PRKN: variants seen among roughly 807,000 people sequenced by gnomAD.
The protein encoded by PRKN is parkin RBR E3 ubiquitin protein ligase.
A neutral mutation model predicts 59.5 loss-of-function variants in PRKN; 56 were observed. That is an observed-to-expected ratio of 0.94 (90% CI 0.76 to 1.18). PRKN has a LOEUF of 1.18. PRKN is among the 50% of genes most tolerant of loss of function. The pLI, the probability that PRKN is intolerant of heterozygous loss-of-function variation, is 0.00. For synonymous variants in PRKN, 250 were observed against 222.1 expected (o/e 1.13, Z -1.12); for missense variants, 657 against 596.4 (o/e 1.10, Z -1.06).
chr6:161,952,145 G>A lies in PRKN; in HGVS notation c.734+21157C>T, dbSNP rs11968203. On this transcript the variant is annotated intron_variant, in intron 6 of 11. Coordinates refer to ENST00000366898, the MANE Select transcript of PRKN (RefSeq NM_004562.3). ...AAAGGCAATGCCTACCTGAACCCTC[G>A]GAAAGGAGCTGGGGCATTGAGGGTG... 8.1e-3 allele frequency among the ~76,000 whole-genome samples: 1,225 copies of A among 152,096 alleles called. 21 individuals carry two copies. The highest frequency in any genetic ancestry group is 0.028 in the African/African-American group (1,150 of 41,478).
At chr6:162,234,142 T>C (rs1007316632) in intron 3 of PRKN, among the ~76,000 whole-genome samples, 2 of 152,160 alleles carry the variant, frequency 1.3e-5, no homozygotes, top group Non-Finnish European at 2.9e-5. Flanking sequence ...GAGAATGTGT[T>C]GTTAGGATAC....
At chr6:161,935,922 A>C (rs1769318255) in intron 6 of PRKN, among the ~76,000 whole-genome samples, 1 of 152,210 alleles carries the variant, frequency 6.6e-6, no homozygotes, top group Non-Finnish European at 1.5e-5. Context: ...CAGTTGGTGT[A>C]ATTTACACAA....
chr6:162,047,530 G>A (rs1454734393), intron 5 of PRKN, among the ~76,000 whole-genome samples: 1 of 150,880 alleles, frequency 6.6e-6, no homozygotes, highest in East Asian at 1.9e-4. Context: ...ACCTTTTATT[G>A]TTATTAGACA....
chr6:162,216,330 A>T (rs1777649395), intron 3 of PRKN, among the ~76,000 whole-genome samples: 1 of 151,750 alleles, frequency 6.6e-6, no homozygotes, highest in African/African-American at 2.4e-5. Flanking sequence ...GGAGATCGAG[A>T]TCATCCTGGC....
chr6:162,024,217 T>TG lies in PRKN; in HGVS notation c.618+29873dup, dbSNP rs71004074. On this transcript the variant is annotated intron_variant, in intron 5 of 11. Coordinates refer to ENST00000366898, the MANE Select transcript of PRKN (RefSeq NM_004562.3). ...CCCTTTTTTTTTTTTTTTTTTTTTT[T>TG]GACAGAGTTTCACTCTGTTGCCCAG... is the stretch of plus-strand genomic sequence containing the variant. 5.6e-4 allele frequency among the ~76,000 whole-genome samples: 83 copies of TG among 146,944 alleles called. No homozygotes were observed. In the Middle Eastern group the frequency reaches 0.011, roughly 19 times the overall value.
intron 1 of PRKN, among the ~76,000 whole-genome samples, chr6:162,666,098 C>T (rs981781059): frequency 6.6e-6 from 1 of 152,096 alleles, no homozygotes; most frequent in Non-Finnish European, 1.5e-5. Context: ...AAAATCTAGG[C>T]AATACCATTC....
chr6:162,209,192 C>G (rs1785086830), intron 3 of PRKN, among the ~76,000 whole-genome samples: 2 of 152,010 alleles, frequency 1.3e-5, no homozygotes. Context: ...TTGCAATCTA[C>G]CTATCTGACA....
intron 4 of PRKN, among the ~76,000 whole-genome samples, chr6:162,067,483 G>A (rs528681164): frequency 4.5e-4 from 69 of 152,066 alleles, no homozygotes; most frequent in Middle Eastern, 6.8e-3. Flanking sequence ...AATACATCAG[G>A]GAATAAGACC....
In PRKN at chr6:161,386,019, T is replaced by G. The variant is rs1242771912; in HGVS notation, c.1167+775A>C. On this transcript the variant is annotated intron_variant, in intron 10 of 11. Transcript: ENST00000366898. The surrounding 1 kb of genome is among the most constrained non-coding windows in gnomAD (Gnocchi z 4.3). ...TTTTAGAGCATTCAGATCTTTAACATTCTCTATTGTAAAATCAAAATATTC... is the reference window on the plus strand; with the variant it reads ...TTTTAGAGCATTCAGATCTTTAACAGTCTCTATTGTAAAATCAAAATATTC... Among the ~76,000 whole-genome samples the G allele has an allele frequency of 6.6e-6, 1 of 152,228 alleles. No individual in the cohort carries two copies. Among genetic ancestry groups the G allele is most frequent in the Admixed American group, 6.5e-5 (1 of 15,290 alleles).
chr6:161,877,747 C>T (rs570324864), intron 6 of PRKN, among the ~76,000 whole-genome samples: 20 of 152,090 alleles, frequency 1.3e-4, no homozygotes, highest in African/African-American at 4.3e-4. Flanking sequence ...GGATTACAGG[C>T]GGGAGCCACC....
chr6:162,588,286 G>A (rs1166502192), intron 1 of PRKN, among the ~76,000 whole-genome samples: 1 of 151,280 alleles, frequency 6.6e-6, no homozygotes, highest in Non-Finnish European at 1.5e-5. Flanking sequence ...GCTGGGATTA[G>A]AGGTGTGCAC....
intron 7 of PRKN, among the ~76,000 whole-genome samples, chr6:161,728,319 T>C (rs1024387940): frequency 6.6e-6 from 1 of 152,038 alleles, no homozygotes; most frequent in African/African-American, 2.4e-5. Flanking sequence ...AAACCAATAA[T>C]AGTGTCTTCT....
chr6:161,504,168 T>A (rs1778062425), intron 9 of PRKN, among the ~76,000 whole-genome samples: 1 of 152,156 alleles, frequency 6.6e-6, no homozygotes, highest in South Asian at 2.1e-4. Flanking sequence ...TGAAGAAAGA[T>A]CCCAAAGGGT....
At chr6:162,028,345 T>C (rs1783513020) in intron 5 of PRKN, among the ~76,000 whole-genome samples, 2 of 152,170 alleles carry the variant, frequency 1.3e-5, no homozygotes, top group Admixed American at 1.3e-4. Context: ...ACCATCTAAA[T>C]GGACATTTTA....
intron 2 of PRKN, among the ~76,000 whole-genome samples, chr6:162,414,409 T>A (rs954791403): frequency 8.6e-5 from 13 of 151,684 alleles, no homozygotes; most frequent in African/African-American, 2.9e-4. Context: ...ACCATGAAGA[T>A]TAGAAAGTAG....
At chr6:161,555,870 A>G (rs547767068) in intron 8 of PRKN, among the ~76,000 whole-genome samples, 1 of 152,374 alleles carries the variant, frequency 6.6e-6, no homozygotes, top group Admixed American at 6.5e-5. Flanking sequence ...AATTCTAATA[A>G]GATAATCAAT....
chr6:162,299,295 C>T (rs1377319429), intron 2 of PRKN, among the ~76,000 whole-genome samples: 2 of 152,118 alleles, frequency 1.3e-5, no homozygotes, highest in Non-Finnish European at 2.9e-5. Flanking sequence ...GCAGAGAGGC[C>T]AATGGCTGAA....
chr6:161,818,783 C>T (rs1157833185), intron 6 of PRKN, among the ~76,000 whole-genome samples: 1 of 152,112 alleles, frequency 6.6e-6, no homozygotes, highest in Non-Finnish European at 1.5e-5. Context: ...CAACAAGGGC[C>T]TGGGAATTTG....
In PRKN at chr6:161,533,831, TAA is replaced by T. The variant is rs200623961; in HGVS notation, c.1083+15021_1083+15022del. ...TGTACTTAATTTTCTTGGCGTGAGA[TAA>T]GGAACCCTGGGGATTTACCCTAGAC... On this transcript the variant is annotated intron_variant, in intron 9 of 11. Coordinates refer to ENST00000366898, the MANE Select transcript of PRKN (RefSeq NM_004562.3). This position sits in a 1 kb window ranked among gnomAD's most constrained non-coding sequence, Gnocchi z 4.1. 9.2e-3 allele frequency among the ~76,000 whole-genome samples: 1,395 copies of T among 152,144 alleles called. 18 individuals carry two copies. Among genetic ancestry groups the T allele is most frequent in the African/African-American group, 0.032 (1,332 of 41,520 alleles).
Sources: gnomAD v4.1 joint callset for allele counts (sites outside exome capture counted in the v4.1 genomes callset) on GRCh38, gnomAD v4.1.1 for gene constraint, Gnocchi (gnomAD v3.1) non-coding constraint, MANE v1.5 for transcripts, NCBI Gene and HGNC (gene_info 2026-07-23, HGNC 2026-07-21) for gene names.